KIFBP: variants seen among roughly 807,000 people sequenced by gnomAD.
KIFBP encodes kinesin family binding protein, also known as KIF-binding protein.
Under a neutral mutation model 58.9 loss-of-function variants are expected in KIFBP, and 46 were observed. The observed-to-expected ratio is 0.78, with a 90% CI of 0.62 to 1.00. The LOEUF is 1.00. KIFBP is among the 50% of genes least tolerant of loss of function. KIFBP has a pLI of 0.00. For synonymous variants in KIFBP, 241 were observed against 283.4 expected (o/e 0.85, Z 1.50); for missense variants, 651 against 752.9 (o/e 0.86, Z 1.58).
rs1397928504 is a variant in KIFBP at position 69,015,969 on chromosome 10, C to G, written c.1419C>G (p.Ile473Met). The change falls in exon 7 of 7, where the codon ATC becomes ATG. Residue 473 changes from isoleucine (I) to methionine (M), a missense_variant. Transcript: ENST00000361983. ...PQYYLLVNRQ[I>M]QFEIAHAYYD... ...ATTATCTGTTGGTCAACAGACAGAT[C>G]CAGTTTGAAATTGCACATGCTTACT... 8 of 1,614,082 alleles carry G rather than the reference C, an allele frequency of 5.0e-6. 1 individual carries two copies. Among genetic ancestry groups the G allele is most frequent in the South Asian group, 2.2e-5 (2 of 91,080 alleles).
At chr10:68,999,318 G>C (rs1260604408) in intron 1 of KIFBP, among the ~76,000 whole-genome samples, 2 of 150,860 alleles carry the variant, frequency 1.3e-5, no homozygotes, top group African/African-American at 2.4e-5. Flanking sequence ...GGCCGGTCTT[G>C]AACTTCTCGC....
At chr10:69,009,742 G>A (rs1309331211) in intron 5 of KIFBP, among the ~76,000 whole-genome samples, 2 of 152,034 alleles carry the variant, frequency 1.3e-5, no homozygotes, top group Non-Finnish European at 1.5e-5. Context: ...GTTAACATGT[G>A]TCTTTGAGTC....
intron 1 of KIFBP, among the ~76,000 whole-genome samples, chr10:68,995,769 G>A (rs1223476900): frequency 6.6e-6 from 1 of 152,100 alleles, no homozygotes; most frequent in Non-Finnish European, 1.5e-5. Context: ...TCCTTACCTA[G>A]TTTGATAGTG....
Position 69,015,877 on chromosome 10 carries a change from C to T in KIFBP, c.1327C>T (p.Arg443Trp), listed in dbSNP as rs757532870. 25 of 1,613,962 alleles carry T rather than the reference C, an allele frequency of 1.5e-5. No homozygotes were observed. Among genetic ancestry groups the T allele is most frequent in the South Asian group, 4.4e-5 (4 of 91,084 alleles). The change falls in exon 7 of 7, where the codon CGG (arginine) becomes TGG (tryptophan). Residue 443 changes from arginine to tryptophan, a missense_variant. Transcript: ENST00000361983. ...ATTCTTTGAAACTGACATGGAGAGACGGTGCAAGATGCATAAACGCAGAAT... is the reference window on the plus strand; with the variant it reads ...ATTCTTTGAAACTGACATGGAGAGATGGTGCAAGATGCATAAACGCAGAAT... ...LAFFETDMERRCKMHKRRIAM... is the reference protein window; with the variant it reads ...LAFFETDMERWCKMHKRRIAM...
chr10:68,994,981 T>C (rs1422555913), intron 1 of KIFBP, among the ~76,000 whole-genome samples: 1 of 151,884 alleles, frequency 6.6e-6, no homozygotes, highest in Non-Finnish European at 1.5e-5. Context: ...CATGTGAACC[T>C]TTCACCTCAG....
intron 1 of KIFBP, among the ~76,000 whole-genome samples, chr10:68,998,771 ATTTTTT>A (rs869186033): frequency 2.0e-5 from 2 of 99,864 alleles, no homozygotes; most frequent in Admixed American, 2.4e-4. Flanking sequence ...ATATATATAT[ATTTTTT>A]TTTTTTTTTT....
intron 5 of KIFBP, among the ~76,000 whole-genome samples, chr10:69,009,229 A>G (rs1843566951): frequency 1.3e-5 from 2 of 152,182 alleles, no homozygotes. Flanking sequence ...TTGGCCAGGC[A>G]TGGTGGCCCA....
intron 2 of KIFBP, 130 bp downstream of exon 2, chr10:69,000,652 G>A (rs1843457312): frequency 5.7e-6 from 4 of 706,852 alleles, no homozygotes; most frequent in African/African-American, 3.5e-5. Flanking sequence ...GAGCCATCTG[G>A]GAAGTCACCT....
At position 69,003,189 on chromosome 10, in the gene KIFBP, T is replaced by C. The variant is rs533758579; in HGVS notation, c.526-1857T>C. Among the ~76,000 whole-genome samples, 2 of 152,332 alleles carry C rather than the reference T, an allele frequency of 1.3e-5. 1 individual carries two copies. The highest frequency in any genetic ancestry group is 4.8e-5 in the African/African-American group (2 of 41,574). On this transcript the variant is annotated intron_variant, in intron 2 of 6. Coordinates refer to ENST00000361983, the MANE Select transcript of KIFBP (RefSeq NM_015634.4). ...TAAGAGACTGATTTGACTGTATTAA[T>C]ATTACGTATGATGTGTGAAAGCCAT...
intron 2 of KIFBP, among the ~76,000 whole-genome samples, chr10:69,001,286 G>A (rs944011575): frequency 4.5e-4 from 69 of 152,098 alleles, no homozygotes; most frequent in African/African-American, 1.5e-3. Flanking sequence ...AACTTTTAGG[G>A]GTCTGGGGAG....
chr10:69,005,537 A>G (rs549978061), intron 3 of KIFBP, among the ~76,000 whole-genome samples, 195 bp from the exon 4 acceptor site: 2 of 152,092 alleles, frequency 1.3e-5, no homozygotes, highest in African/African-American at 4.8e-5. Context: ...TTAGCCAGGC[A>G]TGGTGGCAGG....
At chr10:69,002,242 C>T (rs998235613) in intron 2 of KIFBP, among the ~76,000 whole-genome samples, 2 of 151,840 alleles carry the variant, frequency 1.3e-5, no homozygotes, top group African/African-American at 2.4e-5. Context: ...TCACTGCAAC[C>T]TCCACCTCTT....
Position 69,016,363 on chromosome 10 carries a change from A to G in KIFBP, c.1813A>G (p.Ser605Gly), listed in dbSNP as rs2132120266. The change falls in exon 7 of 7, where the codon AGT (serine) becomes GGT (glycine). Residue 605 changes from serine to glycine, a missense_variant. Transcript: ENST00000361983. ...VELELSKEMV[S>G]LLPTKMERFR... Reference sequence around the variant, plus strand: ...GCTAGAACTTAGTAAAGAGATGGTTAGTCTTCTCCCAACAAAAATGGAGAG... The same window carrying G: ...GCTAGAACTTAGTAAAGAGATGGTTGGTCTTCTCCCAACAAAAATGGAGAG... 2 of 1,613,996 alleles carry G rather than the reference A, an allele frequency of 1.2e-6. No individual in the cohort carries two copies. The highest frequency in any genetic ancestry group is 8.5e-7 in the Non-Finnish European group (1 of 1,179,928).
At chr10:69,014,731 C>G (rs1838968249) in intron 6 of KIFBP, among the ~76,000 whole-genome samples, 1 of 146,992 alleles carries the variant, frequency 6.8e-6, no homozygotes, top group South Asian at 2.2e-4. Context: ...CCCCCACCCC[C>G]AAGAGGTAGA....
In KIFBP at chr10:69,016,849, C is replaced by A; in HGVS notation, c.*433C>A. 6.4e-6 allele frequency: 1 copy of A among 155,854 alleles called. No individual in the cohort carries two copies. The highest frequency in any genetic ancestry group is 1.4e-5 in the Non-Finnish European group (1 of 70,436). 9.7% of individuals were successfully genotyped at this position (155,854 alleles called of 1,614,324 possible). A position where few individuals can be genotyped will look rare whatever the true frequency, so the allele number is the denominator to read the frequency against. On this transcript the variant is annotated 3_prime_UTR_variant, in exon 7 of 7. Transcript: ENST00000361983. ...TATTTGACTTCCTAAATTCCCCCCA[C>A]CCAAAATCTTTCCCTTTTGAAAATA...
intron 1 of KIFBP, 51 bp from the exon 2 acceptor site, chr10:69,000,373 T>C (rs764648957): frequency 1.7e-6 from 2 of 1,206,714 alleles, no homozygotes; most frequent in South Asian, 2.4e-5. Flanking sequence ...AAAGTTACTT[T>C]AATTGGAAGT....
chr10:69,012,964 T>A (rs368992966), intron 6 of KIFBP, among the ~76,000 whole-genome samples: 1 of 151,958 alleles, frequency 6.6e-6, no homozygotes, highest in Non-Finnish European at 1.5e-5. Flanking sequence ...GAAGCATGAC[T>A]AGGAGCCCTC....
intron 4 of KIFBP, among the ~76,000 whole-genome samples, chr10:69,008,597 C>T (rs1223663847): frequency 3.3e-5 from 5 of 150,914 alleles, no homozygotes; most frequent in Admixed American, 6.6e-5. Context: ...TCTTTCAATC[C>T]GAGTGGATTA....
chr10:69,014,037 C>G (rs1397719388), intron 6 of KIFBP, among the ~76,000 whole-genome samples: 1 of 152,196 alleles, frequency 6.6e-6, no homozygotes, highest in African/African-American at 2.4e-5. Flanking sequence ...AGGTGTGAGC[C>G]ACTGCGCTCA....
Sources: allele counts gnomAD v4.1 joint callset (sites outside exome capture counted in the v4.1 genomes callset), GRCh38; gene constraint gnomAD v4.1.1; transcripts MANE v1.5; gene names NCBI Gene and HGNC (gene_info 2026-07-23, HGNC 2026-07-21).